The following CPVL variants were observed in gnomAD, a reference collection of about 807,000 sequenced individuals.
CPVL encodes carboxypeptidase vitellogenic like, also known as probable serine carboxypeptidase CPVL.
A neutral mutation model predicts 63.7 loss-of-function variants in CPVL; 51 were observed. The observed-to-expected ratio is 0.80, with a 90% confidence interval of 0.64 to 1.01. The LOEUF (loss-of-function observed/expected upper bound fraction) is 1.01. Among genes scored for constraint, CPVL ranks in the 50% least tolerant of loss-of-function variants. The probability of loss-of-function intolerance (pLI) is 0.00; values close to 1 mark genes in which losing one functional copy is unlikely to be tolerated. For missense variants in CPVL, 530 were observed against 573.1 expected (o/e 0.92, Z 0.77); for synonymous variants, 195 against 206.0 (o/e 0.95, Z 0.46).
At chr7:29,025,452 C>T (rs934831882) in intron 12 of CPVL, among the ~76,000 whole-genome samples, 1 of 152,140 alleles carries the variant, frequency 6.6e-6, no homozygotes, top group Non-Finnish European at 1.5e-5. Context: ...TCACTTATCA[C>T]CAAGGGATTG....
chr7:29,033,164 C>T (rs987904727), intron 11 of CPVL, among the ~76,000 whole-genome samples: 3 of 152,010 alleles, frequency 2.0e-5, no homozygotes, highest in Admixed American at 6.6e-5. Context: ...ATCAGAATAA[C>T]GATCATGAGA....
chr7:29,131,910 C>T (rs1173104594), intron 1 of CPVL, among the ~76,000 whole-genome samples: 1 of 152,206 alleles, frequency 6.6e-6, no homozygotes, highest in Non-Finnish European at 1.5e-5. Flanking sequence ...CAGCAGCTGA[C>T]CTGGAACAGA....
intron 1 of CPVL, among the ~76,000 whole-genome samples, chr7:29,187,214 C>T (rs1353662406): frequency 1.3e-5 from 2 of 152,102 alleles, no homozygotes; most frequent in Admixed American, 6.5e-5. Flanking sequence ...TGGCAGAGAG[C>T]TTAAGTAATC....
chr7:29,135,488 T>C (rs7804605), intron 1 of CPVL, among the ~76,000 whole-genome samples: 44,840 of 151,636 alleles, frequency 0.3, 7,897 homozygotes, highest in African/African-American at 0.5. Flanking sequence ...CACGCCACCA[T>C]GCCTAACTAA....
chr7:29,120,987 G>A lies in CPVL; in HGVS notation c.75C>T (p.Arg25=). ...GCATGGAAACACTTCTGTATAGGGA[G>A]CGAAACAGCCCATCACAGGGGCCAG... The part of the protein sequence containing the change: ...LMPGPCDGLF[R]SLYRSVSMPP... Residue 25 remains arginine, a synonymous_variant, in exon 2 of 13, where the codon CGC becomes CGT. Coordinates refer to ENST00000265394, the MANE Select transcript of CPVL (RefSeq NM_031311.5). The A allele has an allele frequency of 6.2e-7, 1 of 1,613,840 alleles. No individual in the cohort carries two copies. Among genetic ancestry groups the A allele is most frequent in the African/African-American group, 1.3e-5 (1 of 74,982 alleles).
chr7:29,115,430 G>A (rs1402424200), intron 2 of CPVL, among the ~76,000 whole-genome samples: 1 of 152,130 alleles, frequency 6.6e-6, no homozygotes, highest in Non-Finnish European at 1.5e-5. Context: ...AAAGAAAAGG[G>A]AGGTGTTTGG....
chr7:29,097,293 G>C (rs1440861120), intron 3 of CPVL, among the ~76,000 whole-genome samples: 1 of 152,234 alleles, frequency 6.6e-6, no homozygotes, highest in Non-Finnish European at 1.5e-5. Context: ...CACCCATTAT[G>C]GGCCAGGCAT....
chr7:29,124,775 T>A (rs1789816841), intron 1 of CPVL, among the ~76,000 whole-genome samples: 1 of 152,126 alleles, frequency 6.6e-6, no homozygotes, highest in Non-Finnish European at 1.5e-5. Context: ...GTTTTTTTCC[T>A]TATTTAATAC....
In CPVL at chr7:28,995,847, A is replaced by T; in HGVS notation, c.1356T>A (p.Tyr452Ter). 1 of 1,603,056 alleles carries T rather than the reference A, an allele frequency of 6.2e-7. No individual in the cohort carries two copies. Among genetic ancestry groups the T allele is most frequent in the Non-Finnish European group, 8.5e-7 (1 of 1,176,620 alleles). The change falls in exon 13 of 13, where the codon TAT (tyrosine) becomes TAA (stop). Residue 452 changes from tyrosine to a stop codon, truncating the protein, a stop_gained. Coordinates refer to ENST00000265394, the MANE Select transcript of CPVL (RefSeq NM_031311.5). LOFTEE classifies it high-confidence loss of function. Reference sequence around the variant, plus strand: ...TGTCAAAAGCTCTCAGAGGCTGGTCATAGGGTAAAATATGTCCTCCACCTC... The same window carrying T: ...TGTCAAAAGCTCTCAGAGGCTGGTCTTAGGGTAAAATATGTCCTCCACCTC... ...IIRGGGHILPYDQPLRAFDMI... is the reference protein window; with the variant it reads ...IIRGGGHILP
intron 1 of CPVL, chr7:29,194,118 C>T (rs1783249769): frequency 6.5e-6 from 1 of 152,696 alleles, no homozygotes; most frequent in Non-Finnish European, 1.5e-5. Flanking sequence ...CCTTCGCCCT[C>T]TGGATCCCCC....
intron 2 of CPVL, among the ~76,000 whole-genome samples, chr7:29,119,272 A>C (rs1315877604): frequency 2.6e-5 from 4 of 152,200 alleles, no homozygotes; most frequent in Non-Finnish European, 5.9e-5. Context: ...AGATGACTTG[A>C]GGTCAGGAGT....
At chr7:29,109,221 A>C (rs1489635428) in intron 3 of CPVL, among the ~76,000 whole-genome samples, 2 of 152,214 alleles carry the variant, frequency 1.3e-5, no homozygotes, top group Non-Finnish European at 2.9e-5. Context: ...ACTGCACACC[A>C]ATTTCAAGTT....
rs567560255 is a variant in CPVL, at chr7:29,007,506, A to C, written c.1321-11624T>G. Among the ~76,000 whole-genome samples the C allele has an allele frequency of 2.6e-4, 40 of 152,358 alleles. 1 individual carries two copies. The South Asian group carries it at 8.1e-3, about 31-fold the overall frequency. ...TAAAGGAGAGGATGCTCTAGTCAGC[A>C]CTGAGGTAATGAAATTTCTACAACT... On this transcript the variant is annotated intron_variant, in intron 12 of 12. Coordinates refer to ENST00000265394, the MANE Select transcript of CPVL (RefSeq NM_031311.5).
rs1522921 is a variant in CPVL, at chr7:29,110,379, G to T, written c.288+2325C>A. Among the ~76,000 whole-genome samples, 30 of 152,050 alleles carry T rather than the reference G, an allele frequency of 2.0e-4. 1 individual carries two copies. Among genetic ancestry groups the T allele is most frequent in the Middle Eastern group, 6.8e-3 (2 of 294 alleles). On this transcript the variant is annotated intron_variant, in intron 3 of 12. Transcript: ENST00000265394. ...CATGGGAAACACATCACCTCTGTCT[G>T]GGTTTGGCTGCTGTAGGCATTTCTT...
chr7:29,124,706 G>A lies in CPVL; in HGVS notation c.-10-3635C>T, dbSNP rs117082763. Among the ~76,000 whole-genome samples the A allele has an allele frequency of 7.3e-3, 1,108 of 151,982 alleles. 11 individuals are homozygous for A. Among genetic ancestry groups the A allele is most frequent in the Non-Finnish European group, 0.01 (709 of 67,950 alleles). On this transcript the variant is annotated intron_variant, in intron 1 of 12. Transcript: ENST00000265394. ...AAAATGATTCTACTAAGAATGTTTT[G>A]AAAAATATGATAAAATATTATTAGG...
Position 29,095,139 on chromosome 7 carries a change from C to T in CPVL, c.407G>A (p.Arg136His), listed in dbSNP as rs376539416. Residue 136 changes from arginine to histidine, a missense_variant, in exon 5 of 13, where the codon CGT (arginine) becomes CAT (histidine). Arg to His is a conservative substitution (Grantham distance 29). Transcript: ENST00000265394. ...PYVVTSNMTL[R>H]DRDFPWTTTL... Reference sequence around the variant, plus strand: ...TGTGGTCCAGGGGAAGTCTCTGTCACGCACTGTGAAAACAAAGAAGAGGGG... The same window carrying T: ...TGTGGTCCAGGGGAAGTCTCTGTCATGCACTGTGAAAACAAAGAAGAGGGG... 5.1e-5 allele frequency: 82 copies of T among 1,613,304 alleles called. 1 individual carries two copies. Among genetic ancestry groups the T allele is most frequent in the South Asian group, 9.9e-5 (9 of 91,072 alleles).
intron 6 of CPVL, among the ~76,000 whole-genome samples, chr7:29,087,985 A>G (rs1462283747): frequency 2.0e-5 from 3 of 152,178 alleles, no homozygotes; most frequent in Non-Finnish European, 4.4e-5. Context: ...ATAGGCATTC[A>G]TTCTCCACCC....
intron 7 of CPVL, among the ~76,000 whole-genome samples, chr7:29,073,136 T>C (rs995616528): frequency 6.6e-6 from 1 of 152,228 alleles, no homozygotes; most frequent in Non-Finnish European, 1.5e-5. Flanking sequence ...AATATTAAAC[T>C]GCACATGTTC....
Position 29,064,184 on chromosome 7 carries a change from C to T in CPVL, c.1014G>A (p.Val338=). ...GATTCCCCACGTGGATGGCTTGTCTCACCTCTGGGAGTGACAAAAATTTCA... is the reference window on the plus strand; with the variant it reads ...GATTCCCCACGTGGATGGCTTGTCTTACCTCTGGGAGTGACAAAAATTTCA... ...YYVKFLSLPE[V]RQAIHVGNQT... Residue 338 remains valine, a synonymous_variant, in exon 11 of 13, where the codon GTG becomes GTA. Transcript: ENST00000265394. 6.2e-7 allele frequency: 1 copy of T among 1,613,662 alleles called. No homozygotes were observed. The highest frequency in any genetic ancestry group is 8.5e-7 in the Non-Finnish European group (1 of 1,179,594).
Sources: allele counts gnomAD v4.1 joint callset (sites outside exome capture counted in the v4.1 genomes callset), GRCh38; gene constraint gnomAD v4.1.1; transcripts MANE v1.5; gene names NCBI Gene and HGNC (gene_info 2026-07-23, HGNC 2026-07-21).